Variants in PBRM1 observed in about 807,000 individuals in gnomAD.
PBRM1 encodes protein polybromo-1.
PBRM1 carries 27 observed loss-of-function variants against 194.5 expected under a neutral mutation model. The ratio of observed to expected loss-of-function variants is 0.14; its 90% CI spans 0.10 to 0.19. The LOEUF (loss-of-function observed/expected upper bound fraction) is 0.19, where lower values mean the gene tolerates loss of function less well. PBRM1 is among the 10% of genes least tolerant of loss of function. The pLI is 1.00. For missense variants in PBRM1, 1,466 were observed against 2,077.2 expected (o/e 0.71, Z 5.72); for synonymous variants, 655 against 693.2 (o/e 0.94, Z 0.87).
At chr3:52,677,408 C>T (rs1234503499) in intron 2 of PBRM1, among the ~76,000 whole-genome samples, 3 of 110,828 alleles carry the variant, frequency 2.7e-5, no homozygotes, top group African/African-American at 9.1e-5. Context: ...CCATGCTCGG[C>T]TTTTTTTTTT....
At chr3:52,654,106 G>C (rs868714885) in intron 5 of PBRM1, among the ~76,000 whole-genome samples, 3 of 152,138 alleles carry the variant, frequency 2.0e-5, no homozygotes, top group Admixed American at 1.3e-4. Flanking sequence ...TCAAAAGTTG[G>C]TCTTATCAGA....
chr3:52,568,588 T>C (rs184628089), intron 22 of PBRM1, among the ~76,000 whole-genome samples: 67 of 152,304 alleles, frequency 4.4e-4, no homozygotes, highest in Admixed American at 4.1e-3. Flanking sequence ...TTTAATTTTA[T>C]GTTTATTTAA....
chr3:52,589,439 A>C (rs1216461203), intron 17 of PBRM1, among the ~76,000 whole-genome samples, 184 bp from the exon 20 acceptor site: 1 of 152,196 alleles, frequency 6.6e-6, no homozygotes, highest in Non-Finnish European at 1.5e-5. Flanking sequence ...TCTACTCAAA[A>C]CTATCTTTGA....
chr3:52,669,933 A>G (rs756632039), intron 2 of PBRM1, among the ~76,000 whole-genome samples: 5 of 152,230 alleles, frequency 3.3e-5, no homozygotes, highest in Non-Finnish European at 7.3e-5. Flanking sequence ...AAATCAGAAT[A>G]TTGAGAAATC....
At chr3:52,658,258 C>G (rs1317016863) in exon 5 of PBRM1, 1 of 1,613,138 alleles carries the variant, frequency 6.2e-7, no homozygotes, top group African/African-American at 1.3e-5. Context: ...GGATTTGTAG[C>G]TACAACTATG....
intron 20 of PBRM1, among the ~76,000 whole-genome samples, chr3:52,584,449 G>GCTTTTTTTTT (rs2092005145): frequency 1.2e-5 from 1 of 80,792 alleles, no homozygotes; most frequent in African/African-American, 6.4e-5. Flanking sequence ...AAGTATTCTT[G>GCTTTTTTTTT]CTTTTTTTTT....
At chr3:52,559,717 C>T (rs2083017838) in intron 25 of PBRM1, among the ~76,000 whole-genome samples, 2 of 152,030 alleles carry the variant, frequency 1.3e-5, no homozygotes, top group South Asian at 4.2e-4. Flanking sequence ...CAATCAAAGG[C>T]CTCTTGGCTG....
chr3:52,561,855 T>C (rs1363764696), exon 25 of PBRM1: 1 of 1,614,150 alleles, frequency 6.2e-7, no homozygotes, highest in South Asian at 1.1e-5. Flanking sequence ...AGTCTGGGTG[T>C]TGGGCCTTAA....
chr3:52,650,188 C>T (rs1264130675), intron 6 of PBRM1, among the ~76,000 whole-genome samples: 1 of 151,644 alleles, frequency 6.6e-6, no homozygotes, highest in Non-Finnish European at 1.5e-5. Context: ...CATGGTGAAA[C>T]CCTGTCTCTA....
intron 25 of PBRM1, 134 bp downstream of exon 27, chr3:52,561,633 G>T: frequency 1.3e-6 from 1 of 771,584 alleles, no homozygotes; most frequent in Non-Finnish European, 2.3e-6. Flanking sequence ...TACTGGTTGG[G>T]TGCCATTTGG....
chr3:52,554,571 C>T (rs1361727041), intron 27 of PBRM1, among the ~76,000 whole-genome samples, 153 bp downstream of exon 29: 2 of 152,260 alleles, frequency 1.3e-5, no homozygotes, highest in Admixed American at 6.5e-5. Context: ...GCTGAATGCA[C>T]AAGACATGCC....
intron 13 of PBRM1, among the ~76,000 whole-genome samples, chr3:52,622,095 T>C (rs2095300362): frequency 6.6e-6 from 1 of 151,882 alleles, no homozygotes; most frequent in Non-Finnish European, 1.5e-5. Flanking sequence ...ATCCCAGCAC[T>C]GTGAGAGGCC....
chr3:52,670,085 C>T (rs1244630204), intron 2 of PBRM1, among the ~76,000 whole-genome samples: 1 of 152,206 alleles, frequency 6.6e-6, no homozygotes, highest in Non-Finnish European at 1.5e-5. Flanking sequence ...GTGCTCCTTG[C>T]TGAGGCAGGA....
At chr3:52,599,187 C>T (rs1258565228) in intron 17 of PBRM1, among the ~76,000 whole-genome samples, 1 of 152,020 alleles carries the variant, frequency 6.6e-6, no homozygotes, top group African/African-American at 2.4e-5. Flanking sequence ...GAGAGCCCAT[C>T]ACACACAAAA....
intron 27 of PBRM1, among the ~76,000 whole-genome samples, chr3:52,553,193 G>A (rs763144245): frequency 4.6e-5 from 7 of 152,164 alleles, no homozygotes; most frequent in Non-Finnish European, 8.8e-5. Flanking sequence ...TGTAGGTAAT[G>A]GACCAAATGC....
intron 5 of PBRM1, among the ~76,000 whole-genome samples, chr3:52,654,111 A>C (rs551305179): frequency 6.6e-5 from 10 of 152,162 alleles, no homozygotes; most frequent in Non-Finnish European, 1.3e-4. Flanking sequence ...AGTTGGTCTT[A>C]TCAGATGGGA....
intron 17 of PBRM1, among the ~76,000 whole-genome samples, chr3:52,597,303 T>C (rs185593128): frequency 5.9e-5 from 9 of 152,300 alleles, no homozygotes; most frequent in Non-Finnish European, 8.8e-5. Context: ...TGTGTGTAGA[T>C]AGTTGTTAAA....
At chr3:52,636,009 A>T (rs2095794951) in intron 10 of PBRM1, among the ~76,000 whole-genome samples, 1 of 151,848 alleles carries the variant, frequency 6.6e-6, no homozygotes, top group South Asian at 2.1e-4. Flanking sequence ...GACTACAGGC[A>T]TGTGCCACCA....
At chr3:52,662,976 T>C (rs1296121656) in intron 3 of PBRM1, among the ~76,000 whole-genome samples, 2 of 152,184 alleles carry the variant, frequency 1.3e-5, no homozygotes, top group East Asian at 3.8e-4. Context: ...AATTCTTTAA[T>C]ACCTTGTTTC....
Sources: gnomAD v4.1 joint callset for allele counts (sites outside exome capture counted in the v4.1 genomes callset) on GRCh38, gnomAD v4.1.1 for gene constraint, MANE v1.5 for transcripts, NCBI Gene and HGNC (gene_info 2026-07-23, HGNC 2026-07-21) for gene names.